Variants in ENOX1 observed in about 807,000 individuals in gnomAD.
The protein encoded by ENOX1 is candidate growth-related and time keeping constitutive hydroquinone (NADH) oxidase.
Under a neutral mutation model 82.5 loss-of-function variants are expected in ENOX1, and 42 were observed. The observed-to-expected ratio is 0.51, with a 90% confidence interval of 0.40 to 0.66. The LOEUF is 0.66. ENOX1 is among the 30% of genes least tolerant of loss of function. The probability of loss-of-function intolerance (pLI) is 0.00; values close to 1 mark genes in which losing one functional copy is unlikely to be tolerated. For synonymous variants in ENOX1, 271 were observed against 282.2 expected (o/e 0.96, Z 0.40); for missense variants, 608 against 811.6 (o/e 0.75, Z 3.05).
At chr13:43,276,028 A>C (rs1042392527) in intron 12 of ENOX1, among the ~76,000 whole-genome samples, 1 of 152,230 alleles carries the variant, frequency 6.6e-6, no homozygotes. Flanking sequence ...TTGAACCCAC[A>C]GAATGTTATC....
At chr13:43,454,658 T>C (rs1387768211) in intron 3 of ENOX1, among the ~76,000 whole-genome samples, 2 of 152,160 alleles carry the variant, frequency 1.3e-5, no homozygotes, top group Non-Finnish European at 2.9e-5. Flanking sequence ...TATTCCAGTT[T>C]ACCTTACTAT....
chr13:43,603,293 C>A (rs1475174365), intron 2 of ENOX1, among the ~76,000 whole-genome samples: 1 of 151,896 alleles, frequency 6.6e-6, no homozygotes, highest in Non-Finnish European at 1.5e-5. Flanking sequence ...TTTGCAAAAT[C>A]CCTTCTCCTA....
chr13:43,636,792 C>T (rs2083431177), intron 2 of ENOX1, among the ~76,000 whole-genome samples: 1 of 152,082 alleles, frequency 6.6e-6, no homozygotes, highest in Non-Finnish European at 1.5e-5. Flanking sequence ...TTCTGGGACA[C>T]AGCAATCAAT....
intron 1 of ENOX1, among the ~76,000 whole-genome samples, chr13:43,745,797 T>C (rs1253640062): frequency 1.3e-5 from 2 of 152,154 alleles, no homozygotes; most frequent in African/African-American, 4.8e-5. Context: ...ATTCTTGTGA[T>C]AGTGAGTTCT....
intron 12 of ENOX1, among the ~76,000 whole-genome samples, chr13:43,284,325 T>C (rs566149430): frequency 6.6e-6 from 1 of 151,232 alleles, no homozygotes; most frequent in East Asian, 1.9e-4. Context: ...GAGAACAAAA[T>C]CATGGCATAC....
At chr13:43,364,009 T>C (rs1424974732) in intron 5 of ENOX1, among the ~76,000 whole-genome samples, 1 of 152,128 alleles carries the variant, frequency 6.6e-6, no homozygotes, top group East Asian at 1.9e-4. Flanking sequence ...ACGTAAATTA[T>C]GTTGGACCTG....
intron 5 of ENOX1, among the ~76,000 whole-genome samples, chr13:43,361,819 A>ACT (rs2050529789): frequency 6.6e-6 from 1 of 152,172 alleles, no homozygotes; most frequent in Admixed American, 6.5e-5. Context: ...TGGGAAGAAT[A>ACT]TCATTTAACA....
At chr13:43,681,955 T>C (rs1328832320) in intron 1 of ENOX1, among the ~76,000 whole-genome samples, 2 of 152,096 alleles carry the variant, frequency 1.3e-5, no homozygotes, top group African/African-American at 4.8e-5. Context: ...GCTCAGAATG[T>C]CCTTACTATG....
chr13:43,658,871 T>C (rs1203036011), intron 2 of ENOX1, among the ~76,000 whole-genome samples: 1 of 152,232 alleles, frequency 6.6e-6, no homozygotes, highest in Non-Finnish European at 1.5e-5. Context: ...ATTCTAGTGT[T>C]GTAAAGTTTC....
chr13:43,641,691 T>G (rs1369985979), intron 2 of ENOX1, among the ~76,000 whole-genome samples: 2 of 151,472 alleles, frequency 1.3e-5, no homozygotes, highest in African/African-American at 4.8e-5. Context: ...CGCCACCATG[T>G]CCGGCTAATT....
At chr13:43,747,092 A>T (rs1950062896) in intron 1 of ENOX1, among the ~76,000 whole-genome samples, 1 of 152,142 alleles carries the variant, frequency 6.6e-6, no homozygotes, top group South Asian at 2.1e-4. Flanking sequence ...TCAGTATAAA[A>T]AGTAAAATGA....
At chr13:43,685,638 C>T (rs762960400) in intron 1 of ENOX1, among the ~76,000 whole-genome samples, 3 of 151,690 alleles carry the variant, frequency 2.0e-5, no homozygotes, top group Non-Finnish European at 4.4e-5. Flanking sequence ...TTTAAGTTGC[C>T]GGTGGTAGGA....
chr13:43,685,659 T>C (rs1428726130), intron 1 of ENOX1, among the ~76,000 whole-genome samples: 1 of 151,936 alleles, frequency 6.6e-6, no homozygotes, highest in Non-Finnish European at 1.5e-5. Flanking sequence ...TAAAAGCTAA[T>C]GAATTATGAA....
intron 1 of ENOX1, among the ~76,000 whole-genome samples, chr13:43,706,960 C>A (rs1351200088): frequency 1.3e-5 from 2 of 151,388 alleles, no homozygotes; most frequent in East Asian, 3.9e-4. Flanking sequence ...CTGTTTTTTG[C>A]CCCCACCCTC....
intron 2 of ENOX1, among the ~76,000 whole-genome samples, chr13:43,539,901 A>T (rs2078634808): frequency 6.6e-6 from 1 of 152,246 alleles, no homozygotes; most frequent in Admixed American, 6.5e-5. Context: ...CTTGTAAAAT[A>T]TCCTCTTTGT....
intron 12 of ENOX1, among the ~76,000 whole-genome samples, chr13:43,278,899 C>T (rs979810042): frequency 1.3e-5 from 2 of 152,102 alleles, no homozygotes; most frequent in African/African-American, 4.8e-5. Flanking sequence ...GTCTGCATTT[C>T]TTTCTTGGCC....
At chr13:43,451,506 G>A (rs1212804325) in intron 3 of ENOX1, among the ~76,000 whole-genome samples, 3 of 152,138 alleles carry the variant, frequency 2.0e-5, no homozygotes, top group African/African-American at 7.2e-5. Context: ...ATGGAAAGAA[G>A]AGAAATCAGA....
At chr13:43,637,021 A>C (rs2083438460) in intron 2 of ENOX1, among the ~76,000 whole-genome samples, 1 of 152,226 alleles carries the variant, frequency 6.6e-6, no homozygotes, top group Admixed American at 6.5e-5. Flanking sequence ...CTGTAAAATG[A>C]GAAATCAGGA....
At chr13:43,454,258 T>G (rs931801647) in intron 3 of ENOX1, among the ~76,000 whole-genome samples, 2 of 151,900 alleles carry the variant, frequency 1.3e-5, no homozygotes, top group African/African-American at 2.4e-5. Context: ...CAGGGGAAAC[T>G]ATTTTTTTTT....
Sources: gnomAD v4.1 joint callset for allele counts (sites outside exome capture counted in the v4.1 genomes callset) on GRCh38, gnomAD v4.1.1 for gene constraint, MANE v1.5 for transcripts, NCBI Gene and HGNC (gene_info 2026-07-23, HGNC 2026-07-21) for gene names.